Variants in NRG3 observed in about 807,000 individuals in gnomAD.
NRG3 encodes the protein neuregulin 3, also known as pro-neuregulin-3, membrane-bound isoform.
NRG3 carries 31 observed loss-of-function variants against 66.9 expected under a neutral mutation model. The ratio of observed to expected loss-of-function variants is 0.46; its 90% CI spans 0.35 to 0.63. The LOEUF (loss-of-function observed/expected upper bound fraction) is 0.63. NRG3 is among the 20% of genes least tolerant of loss of function. The pLI, the probability that NRG3 is intolerant of heterozygous loss-of-function variation, is 0.00. For synonymous variants in NRG3, 393 were observed against 359.4 expected, an observed-to-expected ratio of 1.09 and a Z score of -1.06; for missense variants, 910 against 878.9, an observed-to-expected ratio of 1.04 and a Z score of -0.45.
chr10:82,239,748 T>C (rs1401880152), intron 1 of NRG3, among the ~76,000 whole-genome samples: 2 of 152,154 alleles, frequency 1.3e-5, no homozygotes, highest in Non-Finnish European at 2.9e-5. Context: ...CTTATATCTA[T>C]AGGTTTACAT....
At chr10:82,452,742 T>G (rs1347843287) in intron 2 of NRG3, among the ~76,000 whole-genome samples, 1 of 152,180 alleles carries the variant, frequency 6.6e-6, no homozygotes. Flanking sequence ...AGTCATGTGT[T>G]GATTCAATAA....
intron 4 of NRG3, among the ~76,000 whole-genome samples, chr10:82,921,058 G>GA (rs566887662): frequency 1.9e-4 from 27 of 140,972 alleles, no homozygotes; most frequent in South Asian, 6.6e-4. Context: ...TATGGAAACA[G>GA]AAAAAAAAAA....
At chr10:82,255,286 A>C (rs564166902) in intron 1 of NRG3, among the ~76,000 whole-genome samples, 65 of 152,310 alleles carry the variant, frequency 4.3e-4, no homozygotes, top group Middle Eastern at 3.4e-3. Flanking sequence ...AATCTGAGAA[A>C]TTGACACAGC....
At chr10:82,042,591 C>A (rs2063095316) in intron 1 of NRG3, among the ~76,000 whole-genome samples, 3 of 152,050 alleles carry the variant, frequency 2.0e-5, no homozygotes, top group Admixed American at 2.0e-4. Flanking sequence ...AAAGTATTTA[C>A]AGTTATAAAC....
intron 1 of NRG3, among the ~76,000 whole-genome samples, chr10:81,963,948 G>A (rs938396822): frequency 6.6e-6 from 1 of 152,116 alleles, no homozygotes; most frequent in African/African-American, 2.4e-5. Context: ...CGTAGCATTT[G>A]GGTTATTATA....
At position 82,959,085 on chromosome 10, in the gene NRG3, A is replaced by G; in HGVS notation, c.1284+10A>G. 1 of 1,588,876 alleles carries G rather than the reference A, an allele frequency of 6.3e-7. No homozygotes were observed. Among genetic ancestry groups the G allele is most frequent in the Non-Finnish European group, 8.5e-7 (1 of 1,171,014 alleles). On this transcript the variant is annotated intron_variant, in intron 6 of 8. Transcript: ENST00000372141. ...TGTCCAGCTGCAAAATGTAAGTGAC[A>G]TGTCTACACACCTCCTCCTATAGCC...
chr10:82,966,587 T>C (rs1484995402), intron 6 of NRG3, among the ~76,000 whole-genome samples: 3 of 152,170 alleles, frequency 2.0e-5, no homozygotes, highest in African/African-American at 7.2e-5. Flanking sequence ...TCCTTTTGCA[T>C]AGAATACTCT....
intron 1 of NRG3, among the ~76,000 whole-genome samples, chr10:82,269,848 C>A (rs1431205195): frequency 6.6e-6 from 1 of 152,066 alleles, no homozygotes; most frequent in African/African-American, 2.4e-5. Context: ...GGTCCAAGGA[C>A]CACACTTTGA....
At chr10:82,482,278 A>G (rs191052469) in intron 2 of NRG3, among the ~76,000 whole-genome samples, 15 of 152,326 alleles carry the variant, frequency 9.8e-5, no homozygotes, top group African/African-American at 3.6e-4. Context: ...CACACTTAGT[A>G]GAAAGGCTGC....
intron 2 of NRG3, among the ~76,000 whole-genome samples, chr10:82,455,073 A>G (rs186009315): frequency 1.1e-3 from 174 of 152,310 alleles, no homozygotes; most frequent in Non-Finnish European, 2.0e-3. Context: ...CTGAACTCCA[A>G]GCACTCTTTA....
At chr10:82,104,768 T>C (rs1003777856) in intron 1 of NRG3, among the ~76,000 whole-genome samples, 3 of 151,926 alleles carry the variant, frequency 2.0e-5, no homozygotes, top group African/African-American at 4.9e-5. Context: ...TATACCTGTC[T>C]GTATTTAAAT....
At chr10:82,970,232 T>A (rs960543856) in intron 6 of NRG3, among the ~76,000 whole-genome samples, 7 of 152,234 alleles carry the variant, frequency 4.6e-5, no homozygotes, top group Non-Finnish European at 1.0e-4. Context: ...GTCAATTTGC[T>A]CTTCAAGTTA....
intron 1 of NRG3, among the ~76,000 whole-genome samples, chr10:82,004,015 ACACAC>A (rs2061281098): frequency 6.6e-6 from 1 of 151,200 alleles, no homozygotes; most frequent in African/African-American, 2.4e-5. Flanking sequence ...ACACACACAC[ACACAC>A]ACACACACAC....
intron 2 of NRG3, among the ~76,000 whole-genome samples, chr10:82,550,839 C>T (rs1173694265): frequency 6.6e-6 from 1 of 152,062 alleles, no homozygotes; most frequent in Admixed American, 6.6e-5. Context: ...ATCAGAAAAT[C>T]CAGTACCTAC....
chr10:82,485,000 A>G (rs1842567043), intron 2 of NRG3, among the ~76,000 whole-genome samples: 2 of 152,236 alleles, frequency 1.3e-5, no homozygotes, highest in Non-Finnish European at 2.9e-5. Flanking sequence ...GTCAGTTTGC[A>G]TACCTATAAA....
chr10:81,959,599 T>G (rs1850159775), intron 1 of NRG3, among the ~76,000 whole-genome samples: 1 of 152,176 alleles, frequency 6.6e-6, no homozygotes, highest in Admixed American at 6.5e-5. Context: ...AGGACCTTTT[T>G]ATTTTTCCTG....
At chr10:82,095,385 A>G (rs1367145576) in intron 1 of NRG3, among the ~76,000 whole-genome samples, 2 of 152,202 alleles carry the variant, frequency 1.3e-5, no homozygotes, top group Non-Finnish European at 2.9e-5. Context: ...CTAATCACTA[A>G]TAAAATAAAT....
chr10:82,142,886 C>G lies in NRG3; in HGVS notation c.824-215853C>G, dbSNP rs900424727. ...TCTCCCACCTCAGCCTCCCAAGTAGCTGAGACTATGGGTGTGTGCCACCAC... is the reference window on the plus strand; with the variant it reads ...TCTCCCACCTCAGCCTCCCAAGTAGGTGAGACTATGGGTGTGTGCCACCAC... On this transcript the variant is annotated intron_variant, in intron 1 of 8. Coordinates refer to ENST00000372141, the MANE Select transcript of NRG3 (RefSeq NM_001010848.4). Among the ~76,000 whole-genome samples, 7 of 148,060 alleles carry G rather than the reference C, an allele frequency of 4.7e-5. No homozygotes were observed. In the East Asian group the frequency reaches 1.4e-3, roughly 30 times the overall value.
intron 2 of NRG3, among the ~76,000 whole-genome samples, chr10:82,571,718 A>C (rs1308321273): frequency 1.3e-5 from 2 of 151,746 alleles, no homozygotes; most frequent in African/African-American, 4.8e-5. Flanking sequence ...TATGAAGCAG[A>C]TCAAACAGTT....
Sources: allele counts gnomAD v4.1 joint callset (sites outside exome capture counted in the v4.1 genomes callset), GRCh38; gene constraint gnomAD v4.1.1; transcripts MANE v1.5; gene names NCBI Gene and HGNC (gene_info 2026-07-23, HGNC 2026-07-21).